Variants in DUXA observed in about 807,000 individuals in gnomAD.
DUXA encodes the protein double homeobox A, also known as double homeobox protein A.
A neutral mutation model predicts 27.5 loss-of-function variants in DUXA; 25 were observed. The observed-to-expected ratio is 0.91, with a 90% CI of 0.66 to 1.27. The LOEUF is 1.27. Ranked by LOEUF, DUXA falls within the 50% of genes most tolerant of loss-of-function variation. DUXA has a pLI of 0.00. For missense variants in DUXA, 247 were observed against 242.9 expected (o/e 1.02, Z -0.11); for synonymous variants, 90 against 80.5 (o/e 1.12, Z -0.63).
intron 1 of DUXA, among the ~76,000 whole-genome samples, chr19:57,164,062 A>G (rs1190578836): frequency 1.3e-5 from 2 of 152,294 alleles, no homozygotes; most frequent in South Asian, 2.1e-4. Flanking sequence ...TCATTCTACA[A>G]GGCCAGTATT....
At chr19:57,155,556 C>T (rs2086988772) in intron 4 of DUXA, among the ~76,000 whole-genome samples, 184 bp from the exon 5 acceptor site, 2 of 151,984 alleles carry the variant, frequency 1.3e-5, no homozygotes, top group Non-Finnish European at 2.9e-5. Context: ...CGAGGTTTCA[C>T]CACGTGGCCC....
chr19:57,159,110 A>G, intron 3 of DUXA, 57 bp downstream of exon 3: 1 of 1,469,544 alleles, frequency 6.8e-7, no homozygotes. Context: ...TCAAAGTCGC[A>G]GTTGGCTCCG....
intron 1 of DUXA, among the ~76,000 whole-genome samples, chr19:57,164,152 A>G (rs1364461404): frequency 6.6e-6 from 1 of 152,250 alleles, no homozygotes; most frequent in African/African-American, 2.4e-5. Context: ...AAAAATCCTC[A>G]ACAAAATACT....
rs1421177434 is a variant in DUXA, at chr19:57,159,367, G to A, written c.181-89C>T. On this transcript the variant is annotated intron_variant, in intron 2 of 5. Coordinates refer to ENST00000554048, the MANE Select transcript of DUXA (RefSeq NM_001012729.2). ...GTTCCCAAAGTGAGCAATTCTTATT[G>A]GGCCTAGGCCCAGGATTATTACTTA... 5 of 1,180,662 alleles carry A rather than the reference G, an allele frequency of 4.2e-6. No homozygotes were observed. In the Admixed American group the frequency reaches 1.1e-4, roughly 25 times the overall value. The allele number at this position is 1,180,662 out of a possible 1,614,324, so 73.1% of individuals were successfully genotyped here.
chr19:57,154,582 T>G (rs147982862), intron 5 of DUXA, 100 bp from the exon 6 acceptor site: 44,825 of 877,414 alleles, frequency 0.051, 1,747 homozygotes, highest in East Asian at 0.32. Context: ...TTTTTTTTTT[T>G]AGACGGAGTC....
intron 4 of DUXA, 25 bp downstream of exon 4, chr19:57,158,303 G>C (rs370938595): frequency 9.7e-5 from 156 of 1,610,496 alleles, no homozygotes; most frequent in Non-Finnish European, 1.3e-4. Flanking sequence ...CTAGGAGATG[G>C]GACAACCACC....
At chr19:57,156,214 T>G (rs531006215) in intron 4 of DUXA, among the ~76,000 whole-genome samples, 2 of 152,144 alleles carry the variant, frequency 1.3e-5, no homozygotes, top group Non-Finnish European at 2.9e-5. Context: ...TTACTTCCAA[T>G]TCCCAGAATA....
intron 3 of DUXA, among the ~76,000 whole-genome samples, chr19:57,158,889 C>T (rs911830193): frequency 1.3e-5 from 2 of 152,012 alleles, no homozygotes; most frequent in African/African-American, 4.8e-5. Context: ...GAGGCTGAGG[C>T]GGAAGAATTG....
Position 57,158,419 on chromosome 19 carries a change from A to C in DUXA, c.347T>G (p.Leu116Arg), listed in dbSNP as rs2087003206. 6.2e-7 allele frequency: 1 copy of C among 1,613,818 alleles called. No individual in the cohort carries two copies. Among genetic ancestry groups the C allele is most frequent in the East Asian group, 2.2e-5 (1 of 44,894 alleles). The change falls in exon 4 of 6, where the codon CTC becomes CGC. Residue 116 changes from leucine (L) to arginine (R), a missense_variant. Coordinates refer to ENST00000554048, the MANE Select transcript of DUXA (RefSeq NM_001012729.2). Reference protein sequence around the residue: ...TTYSASQLHTLIKAFMKNPYP... With the variant: ...TTYSASQLHTRIKAFMKNPYP... ...TGGGTTTTTCATAAATGCCTTGATG[A>C]GAGTGTGTAACTGAGAGGCGCTGTA...
Position 57,158,329 on chromosome 19 carries a change from T to G in DUXA, c.437A>C (p.Gln146Pro), listed in dbSNP as rs772187198. 1 of 1,611,938 alleles carries G rather than the reference T, an allele frequency of 6.2e-7. No individual in the cohort carries two copies. The highest frequency in any genetic ancestry group is 8.5e-7 in the Non-Finnish European group (1 of 1,179,780). The change falls in exon 4 of 6, where the codon CAA becomes CCA. Residue 146 changes from glutamine (Q) to proline (P), a missense_variant and splice_region_variant. Transcript: ENST00000554048. Reference sequence around the variant, plus strand: ...GACAACCACCTTCTTATCACTCACTTGGACTCTTGACTCTGGAACACCGAT... The same window carrying G: ...GACAACCACCTTCTTATCACTCACTGGGACTCTTGACTCTGGAACACCGAT... ...KEIGVPESRVQIWFQNRRSRL... is the reference protein window; with the variant it reads ...KEIGVPESRVPIWFQNRRSRL...
At chr19:57,154,809 C>T (rs1286639575) in intron 5 of DUXA, among the ~76,000 whole-genome samples, 8 of 152,012 alleles carry the variant, frequency 5.3e-5, no homozygotes, top group South Asian at 2.1e-4. Context: ...GTGATCCGCC[C>T]ACCTCGGCCT....
In DUXA at chr19:57,160,098, C is replaced by G. The variant is rs533091923; in HGVS notation, c.180+545G>C. ...CCAGCTTGGACGACACAGCGAGACT[C>G]TGTCTCAAAATTAAAAAAAATTAGC... is the stretch of plus-strand genomic sequence containing the variant. On this transcript the variant is annotated intron_variant, in intron 2 of 5. Transcript: ENST00000554048. Among the ~76,000 whole-genome samples the G allele has an allele frequency of 5.5e-3, 838 of 152,132 alleles. 8 individuals are homozygous for G. Among genetic ancestry groups the G allele is most frequent in the African/African-American group, 0.019 (809 of 41,518 alleles).
At chr19:57,162,600 G>T (rs529683216) in intron 1 of DUXA, among the ~76,000 whole-genome samples, 30 of 152,130 alleles carry the variant, frequency 2.0e-4, no homozygotes, top group Non-Finnish European at 4.0e-4. Context: ...TTGAGATGGA[G>T]TTTCACTCTT....
intron 1 of DUXA, among the ~76,000 whole-genome samples, chr19:57,163,447 CT>C (rs11463065): frequency 2.0e-5 from 3 of 148,820 alleles, no homozygotes; most frequent in Non-Finnish European, 3.0e-5. Flanking sequence ...CATCCTCTCT[CT>C]TTTTTTTTTC....
chr19:57,159,524 T>G (rs1192462174), intron 2 of DUXA, among the ~76,000 whole-genome samples: 1 of 151,942 alleles, frequency 6.6e-6, no homozygotes, highest in Non-Finnish European at 1.5e-5. Flanking sequence ...AGTATTCTCC[T>G]GGCTCAGACT....
chr19:57,156,911 C>A (rs2086995717), intron 4 of DUXA, among the ~76,000 whole-genome samples: 1 of 152,144 alleles, frequency 6.6e-6, no homozygotes, highest in Non-Finnish European at 1.5e-5. Flanking sequence ...GGTGATCCAC[C>A]CGCCTTGGCC....
intron 2 of DUXA, 40 bp downstream of exon 2, chr19:57,160,603 T>C (rs746723781): frequency 6.2e-7 from 1 of 1,605,212 alleles, no homozygotes; most frequent in East Asian, 2.2e-5. Flanking sequence ...CTCTCCTGCC[T>C]TTTTACTTCC....
intron 4 of DUXA, 51 bp from the exon 5 acceptor site, chr19:57,155,423 A>G (rs1261647498): frequency 8.0e-6 from 11 of 1,380,882 alleles, no homozygotes; most frequent in Non-Finnish European, 1.1e-5. Flanking sequence ...GTTGTGTAAA[A>G]CTCATGATTG....
Position 57,155,306 on chromosome 19 carries a change from C to G in DUXA, c.505G>C (p.Glu169Gln). 1.2e-6 allele frequency: 2 copies of G among 1,614,214 alleles called. No homozygotes were observed. Among genetic ancestry groups the G allele is most frequent in the Non-Finnish European group, 1.7e-6 (2 of 1,180,040 alleles). The stretch of plus-strand genomic sequence containing the variant: ...GGAATCTTGCCCTGCTCTTCTTGTT[C>G]TAAGGACGCCACAGGTTCCCTTTTT... ...QRKREPVASLEQEEQGKIPEG... is the reference protein window; with the variant it reads ...QRKREPVASLQQEEQGKIPEG... The change falls in exon 5 of 6, where the codon GAA becomes CAA. Residue 169 changes from glutamate to glutamine, a missense_variant. Physicochemically the swap from Glu to Gln is conservative, Grantham distance 29. Transcript: ENST00000554048.
Sources: allele counts gnomAD v4.1 joint callset (sites outside exome capture counted in the v4.1 genomes callset), GRCh38; gene constraint gnomAD v4.1.1; transcripts MANE v1.5; gene names NCBI Gene and HGNC (gene_info 2026-07-23, HGNC 2026-07-21).